GTPBP4: variants seen among roughly 807,000 people sequenced by gnomAD.
The protein encoded by GTPBP4 is GTP binding protein 4.
GTPBP4 carries 15 observed loss-of-function variants against 81.7 expected under a neutral mutation model. The ratio of observed to expected loss-of-function variants is 0.18; its 90% confidence interval spans 0.12 to 0.28. The LOEUF (loss-of-function observed/expected upper bound fraction) is 0.28, where lower values mean the gene tolerates loss of function less well. GTPBP4 is among the 10% of genes least tolerant of loss of function. The pLI, the probability that GTPBP4 is intolerant of heterozygous loss-of-function variation, is 1.00. For synonymous variants in GTPBP4, 272 were observed against 274.6 expected, an observed-to-expected ratio of 0.99 and a Z score of 0.09; for missense variants, 847 against 793.8, an observed-to-expected ratio of 1.07 and a Z score of -0.81.
Position 988,546 on chromosome 10 carries a change from G to T in GTPBP4, c.48+19G>T. The T allele has an allele frequency of 1.3e-6, 2 of 1,599,260 alleles. No individual in the cohort carries two copies. The highest frequency in any genetic ancestry group is 1.7e-6 in the Non-Finnish European group (2 of 1,167,618). On this transcript the variant is annotated intron_variant, in intron 1 of 16. Coordinates refer to ENST00000360803, the MANE Select transcript of GTPBP4 (RefSeq NM_012341.3). ...CGCCAAGGTAGGCGGCCCCGGGAGG[G>T]CCACTGCAACTTTCGCGTTCTCCTC... is the stretch of plus-strand genomic sequence containing the variant.
chr10:1,015,048 G>C (rs1345670331), intron 15 of GTPBP4, among the ~76,000 whole-genome samples: 1 of 152,208 alleles, frequency 6.6e-6, no homozygotes, highest in East Asian at 1.9e-4. Context: ...GGCAGTGAGG[G>C]AGAGAGCATT....
intron 10 of GTPBP4, 108 bp from the exon 11 acceptor site, chr10:1,008,850 G>T: frequency 1.2e-6 from 1 of 846,064 alleles, no homozygotes. Flanking sequence ...TCTGGGTATG[G>T]TTTTCTGTTC....
At chr10:993,220 T>C (rs1831478864) in intron 2 of GTPBP4, among the ~76,000 whole-genome samples, 1 of 152,184 alleles carries the variant, frequency 6.6e-6, no homozygotes, top group Non-Finnish European at 1.5e-5. Flanking sequence ...TTGAGCTCCT[T>C]TCTCTGCTGC....
At chr10:1,004,173 A>T (rs571520620) in intron 8 of GTPBP4, among the ~76,000 whole-genome samples, 2 of 152,132 alleles carry the variant, frequency 1.3e-5, no homozygotes, top group East Asian at 3.9e-4. Flanking sequence ...GCTCAAGGGG[A>T]ACTCTGGACC....
At chr10:1,011,172 G>C (rs12765637) in intron 13 of GTPBP4, among the ~76,000 whole-genome samples, 8,520 of 133,482 alleles carry the variant, frequency 0.064, 628 homozygotes, top group African/African-American at 0.16. Context: ...CATCCTGACT[G>C]TGCCCCCTGC....
At chr10:999,201 C>T in intron 6 of GTPBP4, 106 bp downstream of exon 6, 1 of 679,292 alleles carries the variant, frequency 1.5e-6, no homozygotes, top group Non-Finnish European at 2.7e-6. Flanking sequence ...CCACTGCAAC[C>T]TTCACCTCCC....
At chr10:998,145 G>A (rs1831565391) in intron 5 of GTPBP4, among the ~76,000 whole-genome samples, 1 of 152,034 alleles carries the variant, frequency 6.6e-6, no homozygotes, top group South Asian at 2.1e-4. Flanking sequence ...TGTTGCCCAG[G>A]CTGAAGTGCA....
chr10:1,011,783 C>G (rs534630863), intron 13 of GTPBP4, among the ~76,000 whole-genome samples: 1 of 152,250 alleles, frequency 6.6e-6, no homozygotes, highest in Non-Finnish European at 1.5e-5. Context: ...CAGTCCAGCC[C>G]GTGCCCTCAC....
At chr10:1,007,825 G>A in intron 10 of GTPBP4, 2 of 493,740 alleles carry the variant, frequency 4.1e-6, no homozygotes, top group Admixed American at 4.4e-5. Context: ...TGATTTTATT[G>A]TTGTGTGTTT....
At chr10:1,005,491 TC>T (rs1019803572) in intron 8 of GTPBP4, among the ~76,000 whole-genome samples, 1 of 152,080 alleles carries the variant, frequency 6.6e-6, no homozygotes, top group African/African-American at 2.4e-5. Flanking sequence ...GTTTTTCTGC[TC>T]CCCAGGGTGC....
chr10:1,014,991 G>A (rs955670800), intron 15 of GTPBP4, among the ~76,000 whole-genome samples: 1 of 152,198 alleles, frequency 6.6e-6, no homozygotes, highest in African/African-American at 2.4e-5. Context: ...GATGGTTTCT[G>A]TCTGATGGTT....
chr10:993,498 C>T lies in GTPBP4; in HGVS notation c.219+839C>T, dbSNP rs57046806. Among the ~76,000 whole-genome samples the T allele has an allele frequency of 3.7e-3, 568 of 152,212 alleles. 7 individuals are homozygous for T. Among genetic ancestry groups the T allele is most frequent in the African/African-American group, 0.013 (549 of 41,526 alleles). On this transcript the variant is annotated intron_variant, in intron 2 of 16. Coordinates refer to ENST00000360803, the MANE Select transcript of GTPBP4 (RefSeq NM_012341.3). Reference sequence around the variant, plus strand: ...CTGACCTCAAATGATCTACCTGCCTCAGCCTCCCAAAGTGCTGGGATTACA... The same window carrying T: ...CTGACCTCAAATGATCTACCTGCCTTAGCCTCCCAAAGTGCTGGGATTACA...
chr10:1,013,171 A>T lies in GTPBP4; in HGVS notation c.1542+509A>T, dbSNP rs543993626. Among the ~76,000 whole-genome samples the T allele has an allele frequency of 5.3e-5, 8 of 152,054 alleles. No individual in the cohort carries two copies. In the South Asian group the frequency reaches 1.7e-3, roughly 32 times the overall value. Reference sequence around the variant, plus strand: ...GCTAACTTTTGTATTTTTAGTGGAGATGGGGTTTCACCATGTTGGCCAGGC... The same window carrying T: ...GCTAACTTTTGTATTTTTAGTGGAGTTGGGGTTTCACCATGTTGGCCAGGC... On this transcript the variant is annotated intron_variant, in intron 14 of 16. Coordinates refer to ENST00000360803, the MANE Select transcript of GTPBP4 (RefSeq NM_012341.3).
At chr10:1,015,397 GAC>G (rs1564472222) in intron 15 of GTPBP4, among the ~76,000 whole-genome samples, 1 of 131,454 alleles carries the variant, frequency 7.6e-6, no homozygotes, top group Admixed American at 7.5e-5. Flanking sequence ...CCTGGGAGTG[GAC>G]CTGGGGTCCT....
At position 1,019,703 on chromosome 10, in the gene GTPBP4, A is replaced by T. The variant is rs748896256; in HGVS notation, c.*2476A>T. 2 of 1,613,798 alleles carry T rather than the reference A, an allele frequency of 1.2e-6. No individual in the cohort carries two copies. Among genetic ancestry groups the T allele is most frequent in the South Asian group, 2.2e-5 (2 of 91,074 alleles). On this transcript the variant is annotated 3_prime_UTR_variant, in exon 17 of 17. Transcript: ENST00000360803. ...ACAGGTAGAGGATGCTTTTCGTTTCACTGGGATCCGGGTTCAGAGTGACGT... is the reference window on the plus strand; with the variant it reads ...ACAGGTAGAGGATGCTTTTCGTTTCTCTGGGATCCGGGTTCAGAGTGACGT...
chr10:1,013,962 C>T (rs538415918), intron 14 of GTPBP4, among the ~76,000 whole-genome samples: 4 of 152,260 alleles, frequency 2.6e-5, no homozygotes, highest in Admixed American at 1.3e-4. Flanking sequence ...AGTGTCTCAC[C>T]TCTGATGGAG....
chr10:1,002,225 C>T (rs1831648228), intron 8 of GTPBP4, among the ~76,000 whole-genome samples: 1 of 152,196 alleles, frequency 6.6e-6, no homozygotes, highest in African/African-American at 2.4e-5. Flanking sequence ...GCCTGGCCTA[C>T]AGTGCACTTT....
In GTPBP4 at chr10:1,005,797, GT is replaced by G; in HGVS notation, c.913-15del. The G allele has an allele frequency of 7.2e-7, 1 of 1,387,848 alleles. No homozygotes were observed. The highest frequency in any genetic ancestry group is 1.0e-6 in the Non-Finnish European group (1 of 973,822). 86.0% of individuals were successfully genotyped at this position (1,387,848 alleles called of 1,614,324 possible). The stretch of plus-strand genomic sequence containing the variant: ...ACTGGAAATGAATAATACATCTCTC[GT>G]TTTTTCTTTGCATTCCCAGAAAATA... On this transcript the variant is annotated intron_variant, in intron 8 of 16. Coordinates refer to ENST00000360803, the MANE Select transcript of GTPBP4 (RefSeq NM_012341.3).
intron 14 of GTPBP4, 108 bp from the exon 15 acceptor site, chr10:1,014,139 G>C: frequency 1.6e-6 from 1 of 641,144 alleles, no homozygotes; most frequent in Non-Finnish European, 2.8e-6. Flanking sequence ...TCTAAAATAA[G>C]TATATTATAA....
Sources: gnomAD v4.1 joint callset for allele counts (sites outside exome capture counted in the v4.1 genomes callset) on GRCh38, gnomAD v4.1.1 for gene constraint, MANE v1.5 for transcripts, NCBI Gene and HGNC (gene_info 2026-07-23, HGNC 2026-07-21) for gene names.